Variants in NREP observed in about 807,000 individuals in gnomAD.
The protein encoded by NREP is neuronal regeneration related protein, also known as neuronal regeneration-related protein.
Under a neutral mutation model 8.6 loss-of-function variants are expected in NREP, and 5 were observed. That is an observed-to-expected ratio of 0.58 (90% CI 0.30 to 1.22). The LOEUF is 1.22. NREP is among the 50% of genes most tolerant of loss of function. The pLI, the probability that NREP is intolerant of heterozygous loss-of-function variation, is 0.07. For missense variants in NREP, 86 were observed against 82.5 expected (o/e 1.04, Z -0.17); for synonymous variants, 27 against 28.0 (o/e 0.96, Z 0.11).
chr5:111,918,970 A>G (rs1028954667), intron 2 of NREP, among the ~76,000 whole-genome samples: 3 of 152,142 alleles, frequency 2.0e-5, no homozygotes, highest in African/African-American at 7.2e-5. Flanking sequence ...GAAAAGTTTT[A>G]TAGGCCCCTC....
chr5:111,749,756 A>G (rs1368976838), intron 2 of NREP, among the ~76,000 whole-genome samples: 1 of 152,152 alleles, frequency 6.6e-6, no homozygotes, highest in Non-Finnish European at 1.5e-5. Flanking sequence ...TCTCTGGCCA[A>G]GCAGACACTG....
At chr5:111,936,894 A>T (rs1027815726) in intron 2 of NREP, among the ~76,000 whole-genome samples, 3 of 152,078 alleles carry the variant, frequency 2.0e-5, no homozygotes, top group Non-Finnish European at 4.4e-5. Context: ...TGCTATTTTC[A>T]TGCGCAAGAA....
intron 2 of NREP, among the ~76,000 whole-genome samples, chr5:111,775,461 C>A (rs1380028909): frequency 6.6e-6 from 1 of 152,124 alleles, no homozygotes. Flanking sequence ...AGAATGCAAA[C>A]TGCCTTTTGC....
chr5:111,745,142 G>A (rs1749922146), intron 2 of NREP, among the ~76,000 whole-genome samples: 2 of 152,088 alleles, frequency 1.3e-5, no homozygotes, highest in African/African-American at 4.8e-5. Context: ...TTACCACAAG[G>A]AAGAAATAAA....
At chr5:111,826,216 T>C (rs530097219) in intron 2 of NREP, among the ~76,000 whole-genome samples, 2 of 152,300 alleles carry the variant, frequency 1.3e-5, no homozygotes, top group African/African-American at 4.8e-5. Context: ...ATCAGCACTC[T>C]GTAGAAAACG....
intron 2 of NREP, among the ~76,000 whole-genome samples, chr5:111,876,302 G>A (rs1406686208): frequency 6.6e-6 from 1 of 152,102 alleles, no homozygotes; most frequent in African/African-American, 2.4e-5. Flanking sequence ...GCAAGTTCTG[G>A]TGAGGACTCT....
chr5:111,832,378 C>G (rs911422092), intron 2 of NREP, among the ~76,000 whole-genome samples: 1 of 151,988 alleles, frequency 6.6e-6, no homozygotes, highest in Non-Finnish European at 1.5e-5. Flanking sequence ...ACAACAACAA[C>G]AAAACATTAG....
At chr5:111,775,002 T>C (rs890277191) in intron 2 of NREP, among the ~76,000 whole-genome samples, 1 of 152,192 alleles carries the variant, frequency 6.6e-6, no homozygotes, top group African/African-American at 2.4e-5. Flanking sequence ...AATGCTCTTA[T>C]GATGTGAGGA....
intron 2 of NREP, among the ~76,000 whole-genome samples, chr5:111,960,816 G>T (rs1363151317): frequency 6.6e-6 from 1 of 152,098 alleles, no homozygotes; most frequent in Non-Finnish European, 1.5e-5. Context: ...TGCCTTGCAA[G>T]TTTTACATTA....
chr5:111,846,984 A>T (rs1276555561), intron 2 of NREP, among the ~76,000 whole-genome samples: 7 of 152,206 alleles, frequency 4.6e-5, no homozygotes, highest in Non-Finnish European at 8.8e-5. Context: ...CAGTAAAAAA[A>T]TCTTAGGGGA....
At chr5:111,968,438 T>A (rs1192559195) in intron 2 of NREP, among the ~76,000 whole-genome samples, 2 of 152,216 alleles carry the variant, frequency 1.3e-5, no homozygotes, top group Non-Finnish European at 2.9e-5. Context: ...AGCACTGTTT[T>A]AAAATATTTA....
intron 2 of NREP, among the ~76,000 whole-genome samples, chr5:111,736,482 G>C (rs1016386563): frequency 6.6e-6 from 1 of 152,118 alleles, no homozygotes; most frequent in Non-Finnish European, 1.5e-5. Flanking sequence ...ACAATTAAGA[G>C]TCACACCTCA....
chr5:111,860,298 C>T (rs1159219903), intron 2 of NREP, among the ~76,000 whole-genome samples: 3 of 152,108 alleles, frequency 2.0e-5, no homozygotes, highest in South Asian at 2.1e-4. Context: ...TGCCTCTTCC[C>T]GTTTACCTAG....
At chr5:111,791,657 G>C (rs1404760171) in intron 2 of NREP, among the ~76,000 whole-genome samples, 1 of 152,000 alleles carries the variant, frequency 6.6e-6, no homozygotes, top group African/African-American at 2.4e-5. Flanking sequence ...AATTTTTGTA[G>C]AGACAGGGTT....
At chr5:111,734,029 A>C (rs1239874244) in intron 3 of NREP, 1 of 152,222 alleles carries the variant, frequency 6.6e-6, no homozygotes, top group Non-Finnish European at 1.5e-5. Flanking sequence ...AAATAGCAGA[A>C]GACCTGAATA....
At chr5:111,840,295 T>G (rs559024676) in intron 2 of NREP, among the ~76,000 whole-genome samples, 35 of 152,198 alleles carry the variant, frequency 2.3e-4, no homozygotes, top group African/African-American at 7.0e-4. Flanking sequence ...TGGTGGTGGT[T>G]ATTTGTTTTG....
intron 2 of NREP, among the ~76,000 whole-genome samples, chr5:111,776,351 C>T (rs1215645377): frequency 1.3e-5 from 2 of 152,100 alleles, no homozygotes; most frequent in Non-Finnish European, 2.9e-5. Flanking sequence ...TAATGTAATG[C>T]TATGCAGCTG....
At chr5:111,944,909 T>TA (rs1245649697) in intron 2 of NREP, among the ~76,000 whole-genome samples, 1 of 152,136 alleles carries the variant, frequency 6.6e-6, no homozygotes, top group Non-Finnish European at 1.5e-5. Flanking sequence ...ATCTGTGTTT[T>TA]AGTCATAGGT....
chr5:111,837,367 C>G (rs1283941206), intron 2 of NREP, among the ~76,000 whole-genome samples: 1 of 151,832 alleles, frequency 6.6e-6, no homozygotes, highest in African/African-American at 2.4e-5. Context: ...AAGGGGCTCC[C>G]ACTGTCCAAG....
Sources: allele counts gnomAD v4.1 joint callset (sites outside exome capture counted in the v4.1 genomes callset), GRCh38; gene constraint gnomAD v4.1.1; transcripts MANE v1.5; gene names NCBI Gene and HGNC (gene_info 2026-07-23, HGNC 2026-07-21).